Variants in ACSM6 observed in about 807,000 individuals in gnomAD.
ACSM6 encodes acyl-CoA synthetase medium chain family member 6.
In ACSM6, 35 loss-of-function variants were observed where a neutral mutation model predicts 51.1. The ratio of observed to expected loss-of-function variants is 0.69; its 90% CI spans 0.52 to 0.91. The LOEUF (loss-of-function observed/expected upper bound fraction) is 0.91. ACSM6 is among the 40% of genes least tolerant of loss of function. The probability of loss-of-function intolerance (pLI) is 0.00; values close to 1 mark genes in which losing one functional copy is unlikely to be tolerated. For missense variants in ACSM6, 509 were observed against 584.1 expected (o/e 0.87, Z 1.32); for synonymous variants, 172 against 207.3 (o/e 0.83, Z 1.46).
At chr10:95,196,732 A>G (rs1397288779) in intron 2 of ACSM6, among the ~76,000 whole-genome samples, 1 of 152,254 alleles carries the variant, frequency 6.6e-6, no homozygotes, top group Non-Finnish European at 1.5e-5. Flanking sequence ...TGTGGAAATA[A>G]CATGATGTAG....
intron 3 of ACSM6, among the ~76,000 whole-genome samples, chr10:95,204,368 A>G (rs942481143): frequency 2.0e-5 from 3 of 152,130 alleles, no homozygotes; most frequent in African/African-American, 4.8e-5. Flanking sequence ...CCTGGCCAAC[A>G]TGGTGAAACC....
chr10:95,221,442 C>T (rs968803458), intron 9 of ACSM6, among the ~76,000 whole-genome samples: 10 of 152,010 alleles, frequency 6.6e-5, no homozygotes, highest in Non-Finnish European at 1.0e-4. Flanking sequence ...AAAAATTAGC[C>T]GGGTGTGATG....
chr10:95,199,990 T>C (rs2034775630), intron 2 of ACSM6, among the ~76,000 whole-genome samples: 1 of 152,180 alleles, frequency 6.6e-6, no homozygotes, highest in African/African-American at 2.4e-5. Context: ...GACCCAGCCA[T>C]CCCATTACTG....
chr10:95,204,016 T>C (rs2034818999), intron 3 of ACSM6, among the ~76,000 whole-genome samples: 1 of 152,002 alleles, frequency 6.6e-6, no homozygotes, highest in Non-Finnish European at 1.5e-5. Context: ...CAGTTCCCAA[T>C]GGACTGAGTT....
chr10:95,224,685 C>A lies in ACSM6; in HGVS notation c.1201-605C>A, dbSNP rs572643870. 9.2e-5 allele frequency among the ~76,000 whole-genome samples: 14 copies of A among 152,360 alleles called. 1 individual carries two copies. In the South Asian group the frequency reaches 2.7e-3, roughly 29 times the overall value. On this transcript the variant is annotated intron_variant, in intron 9 of 10. Coordinates refer to ENST00000341686, the Ensembl canonical transcript of ACSM6. ...AAAGTGCTGGGATTACAGGCGTGAG[C>A]CACCACGCCCAGCCAATAACTCATT...
chr10:95,218,507 G>A (rs901658700), intron 8 of ACSM6, among the ~76,000 whole-genome samples: 1 of 152,120 alleles, frequency 6.6e-6, no homozygotes, highest in Non-Finnish European at 1.5e-5. Context: ...TGCTCCATCT[G>A]CTTTTTTCTC....
chr10:95,195,608 G>T (rs1483748618), intron 2 of ACSM6, among the ~76,000 whole-genome samples: 5 of 152,128 alleles, frequency 3.3e-5, no homozygotes, highest in Admixed American at 3.3e-4. Flanking sequence ...GGTGGTGCCC[G>T]CAGGAGAATC....
At chr10:95,226,350 C>G (rs1199376373) in intron 10 of ACSM6, 1 of 152,132 alleles carries the variant, frequency 6.6e-6, no homozygotes, top group African/African-American at 2.4e-5. Context: ...GGACAGATCA[C>G]TTGAGCCCAG....
intron 6 of ACSM6, among the ~76,000 whole-genome samples, chr10:95,212,239 C>T (rs1258669833): frequency 1.3e-5 from 2 of 152,116 alleles, no homozygotes; most frequent in African/African-American, 4.8e-5. Context: ...TTGGCTACTT[C>T]CATTGTATCA....
chr10:95,224,766 A>C (rs887890934), intron 9 of ACSM6, among the ~76,000 whole-genome samples: 2 of 152,222 alleles, frequency 1.3e-5, no homozygotes, highest in Non-Finnish European at 2.9e-5. Context: ...TTAATAGGAA[A>C]AAATAACACC....
At chr10:95,224,716 C>T (rs35999600) in intron 9 of ACSM6, among the ~76,000 whole-genome samples, 42,288 of 152,176 alleles carry the variant, frequency 0.28, 7,278 homozygotes, top group Non-Finnish European at 0.39. Context: ...TCATTATTTT[C>T]AAACTGTATT....
At chr10:95,199,044 T>A (rs1393821299) in intron 2 of ACSM6, among the ~76,000 whole-genome samples, 1 of 152,138 alleles carries the variant, frequency 6.6e-6, no homozygotes, top group East Asian at 1.9e-4. Context: ...CATTGCCAAG[T>A]CAATCCTAAG....
intron 10 of ACSM6, among the ~76,000 whole-genome samples, chr10:95,228,028 C>A (rs925717567): frequency 2.6e-5 from 4 of 151,462 alleles, no homozygotes; most frequent in Non-Finnish European, 5.9e-5. Context: ...GCCGACATCA[C>A]ACCACTGCAT....
At chr10:95,227,484 T>C (rs2035049913) in intron 10 of ACSM6, among the ~76,000 whole-genome samples, 1 of 152,212 alleles carries the variant, frequency 6.6e-6, no homozygotes, top group South Asian at 2.1e-4. Context: ...AGGTAAAACG[T>C]TTTAAATATT....
chr10:95,201,430 AT>A (rs1014833876), intron 2 of ACSM6: 5 of 452,794 alleles, frequency 1.1e-5, no homozygotes, highest in African/African-American at 1.0e-4. Flanking sequence ...TTTCTGAGTT[AT>A]TTCCCATAGG....
At chr10:95,206,573 G>C (rs1043679508) in intron 3 of ACSM6, among the ~76,000 whole-genome samples, 14 of 152,168 alleles carry the variant, frequency 9.2e-5, no homozygotes, top group African/African-American at 2.9e-4. Flanking sequence ...CTGTAGTTGG[G>C]AGTGTAAGCA....
At chr10:95,208,089 C>T (rs1233609562) in intron 4 of ACSM6, among the ~76,000 whole-genome samples, 1 of 151,122 alleles carries the variant, frequency 6.6e-6, no homozygotes, top group African/African-American at 2.4e-5. Flanking sequence ...TGCAGTGAGC[C>T]GAGATTACAC....
exon 7 of ACSM6, chr10:95,212,897 C>T (rs761231517): frequency 2.5e-6 from 4 of 1,613,774 alleles, no homozygotes; most frequent in Non-Finnish European, 3.4e-6. Flanking sequence ...ATCTGCAAAT[C>T]CAGAGATGTA....
At chr10:95,219,274 C>T (rs1277190729) in intron 8 of ACSM6, among the ~76,000 whole-genome samples, 1 of 152,178 alleles carries the variant, frequency 6.6e-6, no homozygotes, top group East Asian at 1.9e-4. Context: ...CATGCATCCA[C>T]TGCCCATTTC....
Sources: gnomAD v4.1 joint callset for allele counts (sites outside exome capture counted in the v4.1 genomes callset) on GRCh38, gnomAD v4.1.1 for gene constraint, MANE v1.5 for transcripts, NCBI Gene and HGNC (gene_info 2026-07-23, HGNC 2026-07-21) for gene names.